Variants in SDCBP observed in about 807,000 individuals in gnomAD.
SDCBP encodes the protein syndecan binding protein.
SDCBP carries 22 observed loss-of-function variants against 30.5 expected under a neutral mutation model. The observed-to-expected ratio is 0.72, with a 90% confidence interval of 0.52 to 1.03. SDCBP has a LOEUF of 1.03. Among genes scored for constraint, SDCBP ranks in the 50% least tolerant of loss-of-function variants. The pLI is 0.00. For missense variants in SDCBP, 304 were observed against 369.9 expected, an observed-to-expected ratio of 0.82 and a Z score of 1.46; for synonymous variants, 103 against 118.7, an observed-to-expected ratio of 0.87 and a Z score of 0.86.
intron 1 of SDCBP, among the ~76,000 whole-genome samples, chr8:58,554,540 T>A (rs1803993386): frequency 6.6e-6 from 1 of 152,228 alleles, no homozygotes; most frequent in African/African-American, 2.4e-5. Context: ...CACTCCATTA[T>A]AAATTAAATT....
chr8:58,567,409 A>C (rs1804758818), intron 2 of SDCBP, among the ~76,000 whole-genome samples: 1 of 152,178 alleles, frequency 6.6e-6, no homozygotes, highest in Non-Finnish European at 1.5e-5. Flanking sequence ...TTCACAACAA[A>C]ATTGATCAGA....
chr8:58,579,919 T>C, intron 7 of SDCBP, 125 bp downstream of exon 7: 1 of 833,160 alleles, frequency 1.2e-6, no homozygotes, highest in Non-Finnish European at 1.8e-6. Context: ...GGGCCTGAAC[T>C]CTTGGTCTGG....
At chr8:58,557,104 T>C (rs1270958788) in intron 1 of SDCBP, among the ~76,000 whole-genome samples, 2 of 126,496 alleles carry the variant, frequency 1.6e-5, no homozygotes, top group Non-Finnish European at 3.1e-5. Context: ...ATATATTATA[T>C]ATTATACTAT....
intron 1 of SDCBP, among the ~76,000 whole-genome samples, chr8:58,558,290 T>A (rs1804260233): frequency 6.6e-6 from 1 of 152,194 alleles, no homozygotes; most frequent in Admixed American, 6.5e-5. Flanking sequence ...AAAAGTTTTT[T>A]TTATTGGTGA....
Position 58,580,546 on chromosome 8 carries a change from A to G in SDCBP, c.780A>G (p.Thr260=). 6.3e-7 allele frequency: 1 copy of G among 1,593,318 alleles called. No homozygotes were observed. The highest frequency in any genetic ancestry group is 8.6e-7 in the Non-Finnish European group (1 of 1,161,654). ...KDSQIADILS[T]SGTVVTITIM... is the part of the protein sequence containing the mutation. ...CTCAAATTGCAGACATACTGTCAAC[A>G]TCTGGGACTGTAGTTACTATTACAA... The change falls in exon 8 of 9, where the codon ACA becomes ACG. Residue 260 remains threonine, a synonymous_variant. Transcript: ENST00000260130.
rs545460079 is a variant in SDCBP, at chr8:58,577,649, G to A, written c.403-384G>A. On this transcript the variant is annotated intron_variant, in intron 5 of 8. Transcript: ENST00000260130. ...TGTGACTCGCTTTTCCCCTAAATAT[G>A]ATTATGTACTGATAATTTGGTATTC... 7.2e-5 allele frequency among the ~76,000 whole-genome samples: 11 copies of A among 152,262 alleles called. No homozygotes were observed. In the East Asian group the frequency reaches 2.1e-3, roughly 29 times the overall value.
intron 2 of SDCBP, chr8:58,570,563 G>T: frequency 1.1e-5 from 2 of 185,256 alleles, no homozygotes; most frequent in Non-Finnish European, 2.2e-5. Context: ...TAATGAAAAT[G>T]TAAAATTTAT....
At chr8:58,567,172 A>C (rs939798549) in intron 2 of SDCBP, among the ~76,000 whole-genome samples, 1 of 152,218 alleles carries the variant, frequency 6.6e-6, no homozygotes, top group African/African-American at 2.4e-5. Context: ...GTTTGAAATA[A>C]GTAGCTACAT....
At chr8:58,563,250 A>G (rs891705926) in intron 1 of SDCBP, among the ~76,000 whole-genome samples, 4 of 152,218 alleles carry the variant, frequency 2.6e-5, no homozygotes, top group African/African-American at 9.7e-5. Flanking sequence ...TTATTCTGCT[A>G]TGAAAATGAA....
intron 1 of SDCBP, among the ~76,000 whole-genome samples, chr8:58,556,693 A>G (rs1804121726): frequency 6.6e-6 from 1 of 151,932 alleles, no homozygotes; most frequent in East Asian, 1.9e-4. Context: ...ATTCCAAAAT[A>G]TCACATAAGT....
Position 58,579,705 on chromosome 8 carries a change from A to G in SDCBP, c.661A>G (p.Ile221Val), listed in dbSNP as rs1443621734. 1 of 1,612,560 alleles carries G rather than the reference A, an allele frequency of 6.2e-7. No individual in the cohort carries two copies. The highest frequency in any genetic ancestry group is 1.3e-5 in the African/African-American group (1 of 74,886). Residue 221 changes from isoleucine to valine, a missense_variant, in exon 7 of 9, where the codon ATA (isoleucine) becomes GTA (valine). By Grantham distance (29) the Ile-to-Val change is conservative (BLOSUM62 3). Transcript: ENST00000260130. ...CTTTAAAAATGGAAAAATAACATCC[A>G]TAGTGAAAGATAGCTCTGCAGCCAG... ...FIFKNGKITS[I>V]VKDSSAARNG... is the part of the protein sequence containing the mutation.
Position 58,582,259 on chromosome 8 carries a change from G to A in SDCBP, c.*519G>A, listed in dbSNP as rs1805732015. 6.5e-6 allele frequency: 1 copy of A among 152,994 alleles called. No individual in the cohort carries two copies. The highest frequency in any genetic ancestry group is 1.9e-4 in the East Asian group (1 of 5,202). 9.5% of individuals were successfully genotyped at this position (152,994 alleles called of 1,614,324 possible). ...TTTCATTCCATGTAAGCATTAAACAGTGTATGTAGGTTTCAAGAGATTGTG... is the reference window on the plus strand; with the variant it reads ...TTTCATTCCATGTAAGCATTAAACAATGTATGTAGGTTTCAAGAGATTGTG... On this transcript the variant is annotated 3_prime_UTR_variant, in exon 9 of 9. Coordinates refer to ENST00000260130, the MANE Select transcript of SDCBP (RefSeq NM_005625.4).
intron 2 of SDCBP, among the ~76,000 whole-genome samples, 183 bp downstream of exon 2, chr8:58,565,267 TC>T (rs1804644549): frequency 2.0e-5 from 3 of 152,266 alleles, no homozygotes; most frequent in Non-Finnish European, 4.4e-5. Flanking sequence ...ATTTTTTTTT[TC>T]ATTTCACTGT....
intron 1 of SDCBP, among the ~76,000 whole-genome samples, chr8:58,555,020 A>G (rs1304603512): frequency 6.6e-6 from 1 of 152,232 alleles, no homozygotes; most frequent in East Asian, 1.9e-4. Context: ...AGGCAAACAT[A>G]TAAGCTGTAT....
At chr8:58,557,664 T>C (rs1409044495) in intron 1 of SDCBP, among the ~76,000 whole-genome samples, 1 of 151,654 alleles carries the variant, frequency 6.6e-6, no homozygotes, top group East Asian at 1.9e-4. Flanking sequence ...GTCACAGAGA[T>C]TGCAAATAAT....
chr8:58,572,125 T>C, intron 3 of SDCBP, 80 bp from the exon 4 acceptor site: 1 of 783,840 alleles, frequency 1.3e-6, no homozygotes. Flanking sequence ...ATTTTGTTAA[T>C]ACGCAGAAGC....
At chr8:58,565,168 T>C (rs1804637525) in intron 2 of SDCBP, 84 bp downstream of exon 2, 1 of 606,664 alleles carries the variant, frequency 1.6e-6, no homozygotes, top group Non-Finnish European at 2.8e-6. Context: ...GATAGCTAAA[T>C]AGCAGATATA....
rs960737919 is a variant in SDCBP at position 58,570,873 on chromosome 8, C to T, written c.52-14C>T. 1 of 1,604,762 alleles carries T rather than the reference C, an allele frequency of 6.2e-7. No homozygotes were observed. Among genetic ancestry groups the T allele is most frequent in the Non-Finnish European group, 8.5e-7 (1 of 1,172,416 alleles). ...TATAGCATATTGTTAGAATTTTCTT[C>T]TTTTCTTTTTCAGGCTCAAACTGCT... On this transcript the variant is annotated splice_polypyrimidine_tract_variant and intron_variant, in intron 2 of 8. Transcript: ENST00000260130.
chr8:58,579,734 T>C lies in SDCBP; in HGVS notation c.690T>C (p.Asn230=). Residue 230 remains asparagine (N), a synonymous_variant, in exon 7 of 9, where the codon AAT becomes AAC. Transcript: ENST00000260130. The stretch of plus-strand genomic sequence containing the variant: ...TGAAAGATAGCTCTGCAGCCAGAAA[T>C]GGTCTTCTCACGGAACATAACATCT... ...SIVKDSSAAR[N]GLLTEHNICE... 1.2e-6 allele frequency: 2 copies of C among 1,613,024 alleles called. No homozygotes were observed. Among genetic ancestry groups the C allele is most frequent in the Non-Finnish European group, 8.5e-7 (1 of 1,179,526 alleles).
Sources: allele counts gnomAD v4.1 joint callset (sites outside exome capture counted in the v4.1 genomes callset), GRCh38; gene constraint gnomAD v4.1.1; transcripts MANE v1.5; gene names NCBI Gene and HGNC (gene_info 2026-07-23, HGNC 2026-07-21).